COMMD10: variants seen among roughly 807,000 people sequenced by gnomAD.
COMMD10 encodes the protein COMM domain containing 10.
A neutral mutation model predicts 28.9 loss-of-function variants in COMMD10; 33 were observed. The ratio of observed to expected loss-of-function variants is 1.14; its 90% confidence interval spans 0.87 to 1.53. COMMD10 has a LOEUF of 1.53. Ranked by LOEUF, COMMD10 falls within the 40% of genes most tolerant of loss-of-function variation. The pLI is 0.00. For synonymous variants in COMMD10, 110 were observed against 81.7 expected (o/e 1.35, Z -1.87); for missense variants, 310 against 233.4 (o/e 1.33, Z -2.14).
chr5:116,262,475 C>G (rs552819279), intron 5 of COMMD10, among the ~76,000 whole-genome samples: 1 of 151,720 alleles, frequency 6.6e-6, no homozygotes, highest in East Asian at 1.9e-4. Flanking sequence ...ATTACCAATA[C>G]TATACCAAGA....
chr5:116,236,683 G>A (rs569582132), intron 5 of COMMD10, among the ~76,000 whole-genome samples: 9 of 151,946 alleles, frequency 5.9e-5, no homozygotes, highest in Non-Finnish European at 1.0e-4. Context: ...AGGGGTTGGG[G>A]GTGGGAGATG....
chr5:116,244,267 C>G (rs1303787095), intron 5 of COMMD10, among the ~76,000 whole-genome samples: 1 of 151,834 alleles, frequency 6.6e-6, no homozygotes, highest in Non-Finnish European at 1.5e-5. Flanking sequence ...GTAATTGATT[C>G]CCACTGGACA....
intron 4 of COMMD10, among the ~76,000 whole-genome samples, chr5:116,109,502 G>C (rs955438894): frequency 6.6e-6 from 1 of 152,206 alleles, no homozygotes; most frequent in Non-Finnish European, 1.5e-5. Context: ...GCTGAGGCCT[G>C]AGAATTGCTT....
intron 5 of COMMD10, among the ~76,000 whole-genome samples, chr5:116,269,154 C>A (rs1268904284): frequency 2.6e-5 from 4 of 151,698 alleles, no homozygotes; most frequent in African/African-American, 4.9e-5. Flanking sequence ...TTTTTACTGT[C>A]ATGAATTTTT....
intron 6 of COMMD10, among the ~76,000 whole-genome samples, 171 bp from the exon 7 acceptor site, chr5:116,292,280 C>T (rs1163335392): frequency 6.6e-6 from 1 of 152,026 alleles, no homozygotes. Context: ...AATATCTTCA[C>T]CTAAAAAGAA....
chr5:116,089,569 G>T (rs138105857), intron 2 of COMMD10, among the ~76,000 whole-genome samples: 389 of 152,296 alleles, frequency 2.6e-3, no homozygotes, highest in Non-Finnish European at 4.4e-3. Flanking sequence ...TGTTTAGTTT[G>T]TCTTTGACAC....
chr5:116,195,231 A>G (rs1748478743), intron 5 of COMMD10, among the ~76,000 whole-genome samples: 1 of 152,210 alleles, frequency 6.6e-6, no homozygotes, highest in Non-Finnish European at 1.5e-5. Flanking sequence ...AAAAGTTGAA[A>G]GCATTTCCTC....
intron 4 of COMMD10, among the ~76,000 whole-genome samples, chr5:116,124,048 T>G (rs531248650): frequency 6.6e-6 from 1 of 152,198 alleles, no homozygotes; most frequent in South Asian, 2.1e-4. Flanking sequence ...TTTGAAGGGT[T>G]TTTTTCTGTC....
intron 4 of COMMD10, among the ~76,000 whole-genome samples, chr5:116,109,264 T>C (rs1415810234): frequency 6.6e-6 from 1 of 152,186 alleles, no homozygotes; most frequent in East Asian, 1.9e-4. Flanking sequence ...CTTGTGAAGA[T>C]TGTGCATCTT....
At chr5:116,154,535 A>T (rs1276098677) in intron 5 of COMMD10, among the ~76,000 whole-genome samples, 1 of 152,036 alleles carries the variant, frequency 6.6e-6, no homozygotes, top group South Asian at 2.1e-4. Flanking sequence ...CTCCTTTTGG[A>T]GAAGTTTGGT....
intron 5 of COMMD10, among the ~76,000 whole-genome samples, chr5:116,258,140 A>G (rs1750342098): frequency 6.6e-6 from 1 of 151,766 alleles, no homozygotes; most frequent in South Asian, 2.1e-4. Flanking sequence ...TTTCTTTTCC[A>G]TTCATGGACA....
chr5:116,222,953 G>C (rs1309344129), intron 5 of COMMD10, among the ~76,000 whole-genome samples: 1 of 152,130 alleles, frequency 6.6e-6, no homozygotes, highest in Non-Finnish European at 1.5e-5. Context: ...AGCCTCCAAA[G>C]TGCTGGGATT....
chr5:116,100,465 T>G (rs1750623027), intron 4 of COMMD10, among the ~76,000 whole-genome samples: 1 of 152,000 alleles, frequency 6.6e-6, no homozygotes, highest in Non-Finnish European at 1.5e-5. Flanking sequence ...ATTTAAGTCT[T>G]TAATTCATTT....
intron 5 of COMMD10, among the ~76,000 whole-genome samples, chr5:116,169,127 A>T (rs957577293): frequency 1.3e-5 from 2 of 152,222 alleles, no homozygotes; most frequent in Non-Finnish European, 2.9e-5. Context: ...GAAAAGAGAG[A>T]AGAATTAAAT....
At chr5:116,233,293 C>A (rs558919757) in intron 5 of COMMD10, among the ~76,000 whole-genome samples, 2 of 152,090 alleles carry the variant, frequency 1.3e-5, no homozygotes, top group African/African-American at 4.8e-5. Context: ...TATTGTTAAT[C>A]TTTTACAGTG....
At chr5:116,249,917 A>G (rs917067400) in intron 5 of COMMD10, among the ~76,000 whole-genome samples, 19 of 151,984 alleles carry the variant, frequency 1.3e-4, no homozygotes, top group African/African-American at 4.3e-4. Flanking sequence ...TATGATTCAC[A>G]TAAGTCACTT....
At chr5:116,226,373 A>C (rs898912323) in intron 5 of COMMD10, among the ~76,000 whole-genome samples, 4 of 148,232 alleles carry the variant, frequency 2.7e-5, no homozygotes, top group Non-Finnish European at 3.0e-5. Flanking sequence ...TTACACCTCA[A>C]CTCTTCCAAA....
chr5:116,234,001 C>G (rs1432969161), intron 5 of COMMD10, among the ~76,000 whole-genome samples: 1 of 151,952 alleles, frequency 6.6e-6, no homozygotes, highest in African/African-American at 2.4e-5. Flanking sequence ...GAGTAATAAT[C>G]AAAAATAGGA....
rs1486641203 is a variant in COMMD10, at chr5:116,268,043, G to C, written c.511-23474G>C. On this transcript the variant is annotated intron_variant, in intron 5 of 6. Coordinates refer to ENST00000274458, the MANE Select transcript of COMMD10 (RefSeq NM_016144.4). Reference sequence around the variant, plus strand: ...CCATTCAGGACATAGGCATGGGCAAGGACTTCATGTCTAAAACACCAAAAG... The same window carrying C: ...CCATTCAGGACATAGGCATGGGCAACGACTTCATGTCTAAAACACCAAAAG... Among the ~76,000 whole-genome samples, 7 of 151,832 alleles carry C rather than the reference G, an allele frequency of 4.6e-5. No individual in the cohort carries two copies. The South Asian group carries it at 1.2e-3, about 27-fold the overall frequency.
Sources: allele counts gnomAD v4.1 joint callset (sites outside exome capture counted in the v4.1 genomes callset), GRCh38; gene constraint gnomAD v4.1.1; transcripts MANE v1.5; gene names NCBI Gene and HGNC (gene_info 2026-07-23, HGNC 2026-07-21).